F8: variants seen among roughly 807,000 people sequenced by gnomAD.
F8 encodes antihemophilic factor.
In F8, 12 loss-of-function variants were observed where a neutral mutation model predicts 140.6. The ratio of observed to expected loss-of-function variants is 0.09; its 90% CI spans 0.05 to 0.14. F8 has a LOEUF of 0.14. F8 is among the 10% of genes least tolerant of loss of function. The pLI, the probability that F8 is intolerant of heterozygous loss-of-function variation, is 1.00. For missense variants in F8, 1,354 were observed against 1,720.7 expected, an observed-to-expected ratio of 0.79 and a Z score of 3.77; for synonymous variants, 585 against 614.6, an observed-to-expected ratio of 0.95 and a Z score of 0.71.
intron 25 of F8, among the ~76,000 whole-genome samples, chrX:154,842,572 C>G (rs192147509): frequency 2.7e-5 from 3 of 111,753 alleles, no homozygotes; most frequent in Non-Finnish European, 5.7e-5. Context: ...TTTATGATTT[C>G]TTATTTGACA....
intron 6 of F8, among the ~76,000 whole-genome samples, chrX:154,982,706 A>G (rs1039297733): frequency 1.3e-4 from 14 of 110,710 alleles, no homozygotes; most frequent in African/African-American, 4.6e-4. Flanking sequence ...TCCTATTGTT[A>G]TTGTGCTGAG....
Position 154,930,663 on chromosome X carries a change from T to A in F8, c.3127A>T (p.Asn1043Tyr). The A allele has an allele frequency of 8.3e-7, 1 of 1,210,107 alleles. No homozygotes were observed. The highest frequency in any genetic ancestry group is 1.1e-6 in the Non-Finnish European group (1 of 894,607). Reference sequence around the variant, plus strand: ...ATATTTTGCCAGACTGATGGACTATTCTCAATTAATAATGATGGGCCATCA... The same window carrying A: ...ATATTTTGCCAGACTGATGGACTATACTCAATTAATAATGATGGGCCATCA... ...HIDGPSLLIE[N>Y]SPSVWQNILE... The change falls in exon 14 of 26, where the codon AAT becomes TAT. Residue 1043 changes from asparagine to tyrosine, a missense_variant. Asn to Tyr is a moderately radical substitution (Grantham distance 143). This residue lies in a region of F8 where 658 missense variants were observed against 666.5 expected (regional missense o/e 0.99). Transcript: ENST00000360256.
intron 25 of F8, among the ~76,000 whole-genome samples, chrX:154,851,348 T>C (rs1449842608): frequency 8.9e-6 from 1 of 112,397 alleles, no homozygotes; most frequent in Non-Finnish European, 1.9e-5. Flanking sequence ...TACTTCTATA[T>C]GCATTTGTAT....
chrX:154,836,810 A>AT lies in F8; in HGVS notation c.*786dup, dbSNP rs2072478758. 2 of 111,775 alleles carry AT rather than the reference A, an allele frequency of 1.8e-5. No homozygotes were observed. Among genetic ancestry groups the AT allele is most frequent in the Admixed American group, 1.9e-4 (2 of 10,541 alleles). 9.2% of individuals were successfully genotyped at this position (111,775 alleles called of 1,213,427 possible). The stretch of plus-strand genomic sequence containing the variant: ...TTCAACAATTGCATCCTCCTGACTT[A>AT]TTTTTTTATTGGTCAGAATTAAGAC... On this transcript the variant is annotated 3_prime_UTR_variant, in exon 26 of 26. Transcript: ENST00000360256.
At chrX:154,999,848 A>G (rs961894794) in intron 1 of F8, among the ~76,000 whole-genome samples, 2 of 112,686 alleles carry the variant, frequency 1.8e-5, no homozygotes, top group Admixed American at 9.3e-5. Context: ...TTGCCAAAGC[A>G]ATAGCTACTG....
chrX:155,008,227 A>T (rs1233779321), intron 1 of F8, among the ~76,000 whole-genome samples: 1 of 111,350 alleles, frequency 9.0e-6, no homozygotes, highest in African/African-American at 3.3e-5. Context: ...CTGTGTCCCC[A>T]CTAAGAAGAT....
At chrX:154,872,755 T>C (rs976183627) in intron 22 of F8, among the ~76,000 whole-genome samples, 1 of 111,602 alleles carries the variant, frequency 9.0e-6, no homozygotes, top group Non-Finnish European at 1.9e-5. Flanking sequence ...AAATTATCTC[T>C]TTTTGCAGAT....
At chrX:154,965,356 T>A (rs1182038973) in intron 9 of F8, among the ~76,000 whole-genome samples, 1 of 111,654 alleles carries the variant, frequency 9.0e-6, no homozygotes, top group African/African-American at 3.3e-5. Context: ...CAACGACCAA[T>A]CTTCAAATTT....
intron 13 of F8, among the ~76,000 whole-genome samples, chrX:154,937,906 G>T (rs782268571): frequency 9.0e-6 from 1 of 111,483 alleles, no homozygotes; most frequent in South Asian, 3.7e-4. Flanking sequence ...TATTTTTATT[G>T]ATAAAATTGA....
intron 13 of F8, among the ~76,000 whole-genome samples, chrX:154,935,687 T>C (rs1389180043): frequency 9.0e-6 from 1 of 111,257 alleles, no homozygotes; most frequent in Non-Finnish European, 1.9e-5. Context: ...ATAAATTGTA[T>C]GTCATCTATG....
At chrX:154,978,440 G>A (rs926234664) in intron 6 of F8, among the ~76,000 whole-genome samples, 3 of 111,774 alleles carry the variant, frequency 2.7e-5, no homozygotes, top group Non-Finnish European at 3.8e-5. Flanking sequence ...AATGAGGTAT[G>A]TATACCCTCA....
chrX:154,928,925 G>A lies in F8; in HGVS notation c.4865C>T (p.Ala1622Val). Residue 1622 changes from alanine (A) to valine (V), a missense_variant, in exon 14 of 26, where the codon GCT becomes GTT. This residue lies in a region of F8 where 658 missense variants were observed against 666.5 expected (regional missense o/e 0.99). Coordinates refer to ENST00000360256, the MANE Select transcript of F8 (RefSeq NM_000132.4). ...TGCTATTGCATGATTGCTTTCACAA[G>A]CGTTCAGGGACAAAATGGTATCCTT... ...KKKDTILSLN[A>V]CESNHAIAAI... 1 of 1,211,332 alleles carries A rather than the reference G, an allele frequency of 8.3e-7. No homozygotes were observed. The highest frequency in any genetic ancestry group is 3.0e-5 in the East Asian group (1 of 33,836).
In F8 at chrX:154,975,188, AT is replaced by A. The variant is rs1195488973; in HGVS notation, c.788-5637del. 4.4e-3 allele frequency among the ~76,000 whole-genome samples: 473 copies of A among 107,798 alleles called. 1 individual carries two copies. The highest frequency in any genetic ancestry group is 0.015 in the African/African-American group (439 of 29,715). 93.6% of individuals were successfully genotyped at this position (107,798 alleles called of 115,157 possible). A position where few individuals can be genotyped will look rare whatever the true frequency, so the allele number is the denominator to read the frequency against. On this transcript the variant is annotated intron_variant, in intron 6 of 25. Coordinates refer to ENST00000360256, the MANE Select transcript of F8 (RefSeq NM_000132.4). ...TGCATCATTAGGTTGTTTATTTGAG[AT>A]TTTTTTTTGATGTAGGCATTTATTG...
At chrX:154,864,119 C>T (rs1381026259) in intron 22 of F8, among the ~76,000 whole-genome samples, 1 of 112,566 alleles carries the variant, frequency 8.9e-6, no homozygotes, top group East Asian at 2.8e-4. Context: ...GAGCCAACTC[C>T]AGTCTTGCTG....
At chrX:155,011,832 T>G (rs925020431) in intron 1 of F8, among the ~76,000 whole-genome samples, 1 of 112,570 alleles carries the variant, frequency 8.9e-6, no homozygotes, top group South Asian at 3.6e-4. Flanking sequence ...TTAACTCCTC[T>G]ATCATTCTGC....
chrX:155,022,269 G>A, intron 1 of F8, 141 bp downstream of exon 1: 2 of 618,912 alleles, frequency 3.2e-6, no homozygotes, highest in Non-Finnish European at 2.7e-6. Flanking sequence ...ACACAGATGT[G>A]TGCACACCTT....
At position 154,955,165 on chromosome X, in the gene F8, C is replaced by CTTTT. The variant is rs1185466045; in HGVS notation, c.1753-1127_1753-1124dup. Among the ~76,000 whole-genome samples the CTTTT allele has an allele frequency of 9.0e-3, 325 of 36,079 alleles. 65 individuals are homozygous for CTTTT. Among genetic ancestry groups the CTTTT allele is most frequent in the Non-Finnish European group, 0.011 (228 of 20,763 alleles). 31.3% of individuals were successfully genotyped at this position (36,079 alleles called of 115,157 possible). On this transcript the variant is annotated intron_variant, in intron 11 of 25. Transcript: ENST00000360256. ...GTTTTGCCCAAAAGTATTTATTAAG[C>CTTTT]TTTTTTTTTTTTTTTTTTTTTTTTT...
rs1488247373 is a variant in F8, at chrX:154,964,074, G to C, written c.1443+1896C>G. On this transcript the variant is annotated intron_variant, in intron 9 of 25. Transcript: ENST00000360256. ...CAATTTACACTGCTCTTGTTTTTGT[G>C]TGAAATGCACACACACACACACATA... Among the ~76,000 whole-genome samples the C allele has an allele frequency of 5.5e-5, 6 of 109,235 alleles. No individual in the cohort carries two copies. The East Asian group carries it at 1.7e-3, about 31-fold the overall frequency. 94.9% of individuals were successfully genotyped at this position (109,235 alleles called of 115,157 possible). A position where few individuals can be genotyped will look rare whatever the true frequency, so the allele number is the denominator to read the frequency against.
chrX:154,869,933 C>A (rs2072759811), intron 22 of F8, among the ~76,000 whole-genome samples: 1 of 112,105 alleles, frequency 8.9e-6, no homozygotes, highest in South Asian at 3.7e-4. Context: ...TGCAGATAAA[C>A]TAGAAAATCT....
Sources: allele counts gnomAD v4.1 joint callset (sites outside exome capture counted in the v4.1 genomes callset), GRCh38; gene constraint gnomAD v4.1.1; regional missense constraint gnomAD v4.1.1; transcripts MANE v1.5; gene names NCBI Gene and HGNC (gene_info 2026-07-23, HGNC 2026-07-21).